The following SEZ6L2 variants were observed in gnomAD, a reference collection of about 807,000 sequenced individuals.
SEZ6L2 encodes seizure 6-like protein 2.
Under a neutral mutation model 97.0 loss-of-function variants are expected in SEZ6L2, and 44 were observed. The observed-to-expected ratio is 0.45, with a 90% CI of 0.36 to 0.58. The LOEUF is 0.58. Among genes scored for constraint, SEZ6L2 ranks in the 20% least tolerant of loss-of-function variants. The pLI is 0.00. For missense variants in SEZ6L2, 1,086 were observed against 1,233.3 expected, an observed-to-expected ratio of 0.88 and a Z score of 1.79; for synonymous variants, 543 against 546.1, an observed-to-expected ratio of 0.99 and a Z score of 0.08.
chr16:29,879,981 G>C lies in SEZ6L2; in HGVS notation c.1456C>G (p.Leu486Val), dbSNP rs1037484682. The C allele has an allele frequency of 6.2e-7, 1 of 1,614,104 alleles. No individual in the cohort carries two copies. The highest frequency in any genetic ancestry group is 1.7e-5 in the Admixed American group (1 of 60,004). The change falls in exon 9 of 18, where the codon CTG (leucine) becomes GTG (valine). Residue 486 changes from leucine (L) to valine (V), a missense_variant. Physicochemically the swap from Leu to Val is conservative, Grantham distance 32 (BLOSUM62 1). Around this residue, in one of 2 missense-constraint regions of SEZ6L2, gnomAD observed 776 missense variants for 794.7 expected, o/e 0.98. Transcript: ENST00000617533. Reference protein sequence around the residue: ...TTDPEYRPGALATFSCLPGYA... With the variant: ...TTDPEYRPGAVATFSCLPGYA... ...CCTGGGAGGCACGAGAAGGTTGCCA[G>C]TGCCCCTGGGCGATACTCAGGGTCC...
rs374912046 is a variant in SEZ6L2, at chr16:29,888,625, C to G, written c.954G>C (p.Ser318=). The change falls in exon 6 of 18, where the codon TCG becomes TCC. Residue 318 remains serine (S), a synonymous_variant. Coordinates refer to ENST00000617533, the MANE Select transcript of SEZ6L2 (RefSeq NM_001243332.2). ...TCTCCTCTCCCTGCAGCTGGTAGCC[C>G]GAATCACAGTGAAAGGTGGCAGTGC... ...PGGTATFHCD[S]GYQLQGEETL... is the part of the protein sequence containing the mutation. The G allele has an allele frequency of 2.5e-6, 4 of 1,614,056 alleles. No homozygotes were observed. The highest frequency in any genetic ancestry group is 8.5e-7 in the Non-Finnish European group (1 of 1,179,986).
chr16:29,894,178 G>A (rs1480604138), intron 5 of SEZ6L2, among the ~76,000 whole-genome samples: 1 of 152,138 alleles, frequency 6.6e-6, no homozygotes, highest in Non-Finnish European at 1.5e-5. Flanking sequence ...GCCACACACT[G>A]TTTTAAACAC....
chr16:29,886,458 G>A (rs896153356), intron 7 of SEZ6L2, among the ~76,000 whole-genome samples: 15 of 151,458 alleles, frequency 9.9e-5, no homozygotes, highest in Non-Finnish European at 2.1e-4. Flanking sequence ...GGTGGATCAC[G>A]AGGTCAGGAG....
intron 5 of SEZ6L2, among the ~76,000 whole-genome samples, chr16:29,894,449 G>A (rs970897888): frequency 1.4e-5 from 2 of 142,976 alleles, no homozygotes; most frequent in Admixed American, 1.4e-4. Flanking sequence ...TTTCCCTGGC[G>A]AATTTATCCT....
rs569583929 is a variant in SEZ6L2 at position 29,875,693 on chromosome 16, A to G, written c.2104+1063T>C. ...TTTTTTTTTTTTGAGATGGAGTATC[A>G]CTCCCGTGGCGCAGGATGGAATGCA... On this transcript the variant is annotated intron_variant, in intron 12 of 17. Transcript: ENST00000617533. Among the ~76,000 whole-genome samples the G allele has an allele frequency of 2.9e-4, 34 of 117,974 alleles. No homozygotes were observed. The Admixed American group carries it at 3.3e-3, about 12-fold the overall frequency. 77.4% of individuals were successfully genotyped at this position (117,974 alleles called of 152,430 possible). A position where few individuals can be genotyped will look rare whatever the true frequency, so the allele number is the denominator to read the frequency against.
chr16:29,881,578 TG>T (rs2150791591), intron 8 of SEZ6L2, among the ~76,000 whole-genome samples: 1 of 151,732 alleles, frequency 6.6e-6, no homozygotes, highest in East Asian at 1.9e-4. Flanking sequence ...CAAAACTCCC[TG>T]TAAGTTAAGA....
At chr16:29,895,199 A>AAT in intron 5 of SEZ6L2, 60 bp downstream of exon 5, 1 of 893,112 alleles carries the variant, frequency 1.1e-6, no homozygotes, top group Non-Finnish European at 1.7e-6. Flanking sequence ...AAAAAAAAAA[A>AAT]GATGTCCAGT....
At chr16:29,894,025 C>A (rs1306960792) in intron 5 of SEZ6L2, among the ~76,000 whole-genome samples, 1 of 152,160 alleles carries the variant, frequency 6.6e-6, no homozygotes, top group Non-Finnish European at 1.5e-5. Context: ...TGCTTGCCAC[C>A]ATGCCTGGCT....
At chr16:29,895,531 T>C in intron 4 of SEZ6L2, 71 bp from the exon 5 acceptor site, 1 of 1,547,686 alleles carries the variant, frequency 6.5e-7, no homozygotes, top group Non-Finnish European at 8.8e-7. Flanking sequence ...CCCTGTCCTG[T>C]GCCTTTGCCC....
At chr16:29,891,674 G>C (rs1209192071) in intron 5 of SEZ6L2, among the ~76,000 whole-genome samples, 1 of 151,888 alleles carries the variant, frequency 6.6e-6, no homozygotes, top group Non-Finnish European at 1.5e-5. Flanking sequence ...GCTGATCAAT[G>C]GGTGCAGCCA....
At chr16:29,877,547 C>A (rs2067936156) in intron 10 of SEZ6L2, 80 bp from the exon 11 acceptor site, 2 of 1,303,954 alleles carry the variant, frequency 1.5e-6, no homozygotes, top group East Asian at 5.0e-5. Context: ...CTCAACTCTG[C>A]TCATTGGTAG....
Position 29,873,199 on chromosome 16 carries a change from C to T in SEZ6L2, c.2488+41G>A, listed in dbSNP as rs531676400. ...TGACTCTCCCAGCCCTGTCACTTCC[C>T]GGACACTGGTGTGCCCCTCCTGCCC... On this transcript the variant is annotated intron_variant, in intron 14 of 17. Coordinates refer to ENST00000617533, the MANE Select transcript of SEZ6L2 (RefSeq NM_001243332.2). This position sits in a 1 kb window ranked among gnomAD's most constrained non-coding sequence, Gnocchi z 4.3. 3.4e-5 allele frequency: 54 copies of T among 1,604,946 alleles called. No individual in the cohort carries two copies. Among genetic ancestry groups the T allele is most frequent in the East Asian group, 6.7e-5 (3 of 44,758 alleles).
intron 9 of SEZ6L2, among the ~76,000 whole-genome samples, chr16:29,878,764 T>C (rs1327581410): frequency 1.7e-5 from 2 of 118,618 alleles, no homozygotes; most frequent in East Asian, 2.1e-4. Flanking sequence ...TTCTTTTTTC[T>C]TTTTTTTTTT....
At position 29,895,730 on chromosome 16, in the gene SEZ6L2, A is replaced by G; in HGVS notation, c.642T>C (p.Ile214=). ...GCTTTGGTCCAGTTACCTGGATCTCAATGCCGTAGCCAGGGTAGACATGGA... is the reference window on the plus strand; with the variant it reads ...GCTTTGGTCCAGTTACCTGGATCTCGATGCCGTAGCCAGGGTAGACATGGA... ...YSIHVYPGYG[I]EIQVQTLNLS... The change falls in exon 4 of 18, where the codon ATT becomes ATC. Residue 214 remains isoleucine (I), a synonymous_variant. Transcript: ENST00000617533. 6.2e-7 allele frequency: 1 copy of G among 1,610,858 alleles called. No homozygotes were observed. Among genetic ancestry groups the G allele is most frequent in the Non-Finnish European group, 8.5e-7 (1 of 1,177,716 alleles).
At chr16:29,888,849 C>T (rs995827400) in intron 5 of SEZ6L2, 124 bp from the exon 6 acceptor site, 7 of 817,502 alleles carry the variant, frequency 8.6e-6, no homozygotes, top group Non-Finnish European at 1.3e-5. Flanking sequence ...TGGCTCCATA[C>T]TGGCGTACAT....
Position 29,885,889 on chromosome 16 carries a change from A to G in SEZ6L2, c.1209-140T>C, listed in dbSNP as rs1302955062. The G allele has an allele frequency of 7.4e-6, 5 of 679,550 alleles. 1 individual carries two copies. The highest frequency in any genetic ancestry group is 4.2e-4 in the Middle Eastern group (1 of 2,392). The allele number at this position is 679,550 out of a possible 1,614,324, so 42.1% of individuals were successfully genotyped here. A position where few individuals can be genotyped will look rare whatever the true frequency, so the allele number is the denominator to read the frequency against. ...CACGCACTCTTCTAAGCCCTTACAC[A>G]TTCTATCTCATTTAATTTTCACAAG... On this transcript the variant is annotated intron_variant, in intron 7 of 17. Coordinates refer to ENST00000617533, the MANE Select transcript of SEZ6L2 (RefSeq NM_001243332.2).
chr16:29,875,864 G>A (rs59865082), intron 12 of SEZ6L2, among the ~76,000 whole-genome samples: 14,735 of 151,618 alleles, frequency 0.097, 2,039 homozygotes, highest in African/African-American at 0.29. Flanking sequence ...GTTTCACCAT[G>A]TTGGCCAGGC....
At chr16:29,888,854 G>C (rs189712907) in intron 5 of SEZ6L2, 129 bp from the exon 6 acceptor site, 1 of 767,786 alleles carries the variant, frequency 1.3e-6, no homozygotes, top group South Asian at 2.1e-5. Flanking sequence ...CCATACTGGC[G>C]TACATACCGA....
chr16:29,878,465 C>A, intron 9 of SEZ6L2, 40 bp from the exon 10 acceptor site: 1 of 1,546,734 alleles, frequency 6.5e-7, no homozygotes, highest in South Asian at 1.2e-5. Context: ...CCCAGGTGGG[C>A]ATGCTGTCTT....
Sources: gnomAD v4.1 joint callset for allele counts (sites outside exome capture counted in the v4.1 genomes callset) on GRCh38, gnomAD v4.1.1 for gene constraint, gnomAD v4.1.1 regional missense constraint, Gnocchi (gnomAD v3.1) non-coding constraint, MANE v1.5 for transcripts, NCBI Gene and HGNC (gene_info 2026-07-23, HGNC 2026-07-21) for gene names.